SLC30A8: variants seen among roughly 807,000 people sequenced by gnomAD.
The protein encoded by SLC30A8 is proton-coupled zinc antiporter SLC30A8.
SLC30A8 carries 27 observed loss-of-function variants against 36.9 expected under a neutral mutation model. That is an observed-to-expected ratio of 0.73 (90% CI 0.54 to 1.01). The LOEUF (loss-of-function observed/expected upper bound fraction) is 1.01. SLC30A8 is among the 50% of genes least tolerant of loss of function. The pLI, the probability that SLC30A8 is intolerant of heterozygous loss-of-function variation, is 0.00. For synonymous variants in SLC30A8, 164 were observed against 172.4 expected, an observed-to-expected ratio of 0.95 and a Z score of 0.38; for missense variants, 439 against 452.0, an observed-to-expected ratio of 0.97 and a Z score of 0.26.
At chr8:117,090,330 T>C (rs2130828514) in intron 2 of SLC30A8, among the ~76,000 whole-genome samples, 1 of 152,344 alleles carries the variant, frequency 6.6e-6, no homozygotes, top group South Asian at 2.1e-4. Context: ...CTTCATTTAC[T>C]CATTCATTTG....
intron 1 of SLC30A8, among the ~76,000 whole-genome samples, chr8:117,004,773 GA>G (rs1310441500): frequency 6.6e-6 from 1 of 152,100 alleles, no homozygotes; most frequent in Non-Finnish European, 1.5e-5. Context: ...ACCAAGTGTT[GA>G]TTGTTTTTAT....
At chr8:117,171,996 G>C (rs747885704) in intron 7 of SLC30A8, among the ~76,000 whole-genome samples, 3 of 152,068 alleles carry the variant, frequency 2.0e-5, no homozygotes, top group Non-Finnish European at 4.4e-5. Flanking sequence ...CACTGCAAAT[G>C]GAAGAATCTA....
At chr8:116,988,415 C>A (rs577676593) in intron 1 of SLC30A8, among the ~76,000 whole-genome samples, 1 of 152,184 alleles carries the variant, frequency 6.6e-6, no homozygotes, top group Non-Finnish European at 1.5e-5. Flanking sequence ...AACTCCTTTT[C>A]CTCTCATGGT....
rs117685844 is a variant in SLC30A8 at position 117,080,375 on chromosome 8, G to A, written c.-226+41117G>A. On this transcript the variant is annotated intron_variant, in intron 2 of 10. Coordinates refer to the SLC30A8 transcript ENST00000427715. ...ATTCGGGGATACACACGTATCCCCT[G>A]TGTAACAAACACAGGTTTGTTACAA... Among the ~76,000 whole-genome samples the A allele has an allele frequency of 4.3e-3, 652 of 151,924 alleles. 3 individuals carry two copies. The highest frequency in any genetic ancestry group is 7.1e-3 in the Non-Finnish European group (486 of 67,976).
chr8:117,158,632 G>A (rs979491771), intron 4 of SLC30A8, among the ~76,000 whole-genome samples: 1 of 152,168 alleles, frequency 6.6e-6, no homozygotes, highest in African/African-American at 2.4e-5. Context: ...TATGTCCCTT[G>A]ACAAATGAGT....
intron 2 of SLC30A8, among the ~76,000 whole-genome samples, chr8:117,077,533 A>G (rs1818529179): frequency 6.6e-6 from 1 of 152,210 alleles, no homozygotes; most frequent in South Asian, 2.1e-4. Context: ...AACCAATATG[A>G]AGAATATGAC....
intron 2 of SLC30A8, among the ~76,000 whole-genome samples, chr8:117,076,431 A>G (rs1028145887): frequency 6.6e-6 from 1 of 152,204 alleles, no homozygotes; most frequent in Non-Finnish European, 1.5e-5. Context: ...TTTAAACTGC[A>G]GCGAATTTTG....
intron 1 of SLC30A8, among the ~76,000 whole-genome samples, chr8:117,142,286 G>C (rs1406509753): frequency 1.3e-5 from 2 of 152,014 alleles, no homozygotes; most frequent in Non-Finnish European, 2.9e-5. Flanking sequence ...TCACCACGTG[G>C]GTCAAAGCCA....
intron 2 of SLC30A8, among the ~76,000 whole-genome samples, chr8:117,044,567 T>G (rs924223171): frequency 1.3e-5 from 2 of 152,118 alleles, no homozygotes; most frequent in African/African-American, 4.8e-5. Context: ...TGTCAGCGGG[T>G]TGACAGAGCA....
intron 1 of SLC30A8, among the ~76,000 whole-genome samples, chr8:116,969,133 C>G (rs1026272417): frequency 2.0e-5 from 3 of 152,010 alleles, no homozygotes; most frequent in Non-Finnish European, 2.9e-5. Flanking sequence ...TGTAAGAACT[C>G]GGGGCTTGAC....
chr8:116,958,362 G>T (rs2130585707), intron 1 of SLC30A8, among the ~76,000 whole-genome samples: 1 of 151,750 alleles, frequency 6.6e-6, no homozygotes, highest in Admixed American at 6.6e-5. Flanking sequence ...TTGTAGTGCA[G>T]GTAAGCTGAT....
chr8:116,958,823 C>G (rs1009862362), intron 1 of SLC30A8, among the ~76,000 whole-genome samples: 2 of 150,030 alleles, frequency 1.3e-5, no homozygotes, highest in Admixed American at 1.3e-4. Flanking sequence ...TGTCCTATAG[C>G]CCACTGATGC....
chr8:117,046,318 C>G (rs1817549474), intron 2 of SLC30A8, among the ~76,000 whole-genome samples: 1 of 152,220 alleles, frequency 6.6e-6, no homozygotes, highest in South Asian at 2.1e-4. Flanking sequence ...CACTAATTCT[C>G]TAAACATCTT....
intron 2 of SLC30A8, among the ~76,000 whole-genome samples, chr8:117,107,171 C>A (rs1026568810): frequency 1.3e-5 from 2 of 152,046 alleles, no homozygotes; most frequent in African/African-American, 4.8e-5. Context: ...GACAGTGTGC[C>A]TTTGTCAGGA....
intron 1 of SLC30A8, among the ~76,000 whole-genome samples, chr8:117,026,530 C>T (rs1161117032): frequency 1.3e-5 from 2 of 152,140 alleles, no homozygotes; most frequent in Non-Finnish European, 2.9e-5. Flanking sequence ...ACATGATACC[C>T]TCTCCCATAG....
intron 1 of SLC30A8, among the ~76,000 whole-genome samples, chr8:116,986,491 G>A (rs1347044788): frequency 1.3e-5 from 2 of 152,114 alleles, no homozygotes; most frequent in Non-Finnish European, 1.5e-5. Flanking sequence ...AAGCTGGATC[G>A]AAAACTTAAT....
intron 2 of SLC30A8, among the ~76,000 whole-genome samples, chr8:117,112,711 A>G (rs996038589): frequency 2.6e-5 from 4 of 152,152 alleles, no homozygotes; most frequent in Non-Finnish European, 5.9e-5. Flanking sequence ...GGCCATGAAG[A>G]TTCTCTGATG....
At chr8:117,171,190 C>T (rs1458105448) in intron 7 of SLC30A8, 22 bp downstream of exon 7, 2 of 1,612,600 alleles carry the variant, frequency 1.2e-6, no homozygotes, top group East Asian at 2.2e-5. Context: ...TTGTAAACAC[C>T]CTGGAAAAAA....
chr8:117,131,026 C>G (rs1038329737), upstream of SLC30A8, among the ~76,000 whole-genome samples: 3 of 151,848 alleles, frequency 2.0e-5, no homozygotes, highest in Middle Eastern at 3.2e-3. Flanking sequence ...CTATTCTTAA[C>G]AAATACAAAT....
Sources: gnomAD v4.1 joint callset for allele counts (sites outside exome capture counted in the v4.1 genomes callset) on GRCh38, gnomAD v4.1.1 for gene constraint, MANE v1.5 for transcripts, NCBI Gene and HGNC (gene_info 2026-07-23, HGNC 2026-07-21) for gene names.